DPYD: variants seen among roughly 807,000 people sequenced by gnomAD.
The protein encoded by DPYD is dihydropyrimidine dehydrogenase, also known as dihydropyrimidine dehydrogenase [NADP(+)].
DPYD carries 109 observed loss-of-function variants against 116.2 expected under a neutral mutation model. The ratio of observed to expected loss-of-function variants is 0.94; its 90% CI spans 0.80 to 1.10. The LOEUF (loss-of-function observed/expected upper bound fraction) is 1.10. Ranked by LOEUF, DPYD falls within the 50% of genes least tolerant of loss-of-function variation. DPYD has a pLI of 0.00. For missense variants in DPYD, 1,302 were observed against 1,254.5 expected (o/e 1.04, Z -0.57); for synonymous variants, 440 against 432.0 (o/e 1.02, Z -0.23).
chr1:97,584,759 T>C (rs1423593765), intron 10 of DPYD, among the ~76,000 whole-genome samples: 2 of 119,036 alleles, frequency 1.7e-5, no homozygotes, highest in African/African-American at 3.3e-5. Context: ...TGAGAACACA[T>C]GGACACAGGA....
intron 3 of DPYD, among the ~76,000 whole-genome samples, chr1:97,812,339 T>C (rs1460128277): frequency 1.3e-5 from 2 of 152,162 alleles, no homozygotes; most frequent in African/African-American, 2.4e-5. Context: ...CAGAAAAAGA[T>C]TTGCCTCATA....
chr1:97,572,832 TA>T (rs1652991374), intron 11 of DPYD, among the ~76,000 whole-genome samples: 1 of 152,034 alleles, frequency 6.6e-6, no homozygotes, highest in African/African-American at 2.4e-5. Context: ...TTGAATCCTT[TA>T]CTTATCTGTG....
At chr1:97,701,657 A>G (rs1661604814) in intron 5 of DPYD, among the ~76,000 whole-genome samples, 1 of 151,898 alleles carries the variant, frequency 6.6e-6, no homozygotes, top group South Asian at 2.1e-4. Flanking sequence ...ACTATTGTAA[A>G]TAAAGTCAAA....
chr1:97,524,877 ATATT>A (rs553451168), intron 12 of DPYD, among the ~76,000 whole-genome samples: 104 of 152,244 alleles, frequency 6.8e-4, no homozygotes, highest in African/African-American at 2.5e-3. Flanking sequence ...TTACACTTGA[ATATT>A]TATTAGGCAT....
At chr1:97,205,397 G>A (rs1248913536) in intron 19 of DPYD, among the ~76,000 whole-genome samples, 8 of 150,540 alleles carry the variant, frequency 5.3e-5, no homozygotes, top group Admixed American at 3.3e-4. Flanking sequence ...CCAATATGTC[G>A]TATAATTGAA....
chr1:97,694,828 A>C (rs1341857850), intron 6 of DPYD, among the ~76,000 whole-genome samples: 1 of 152,190 alleles, frequency 6.6e-6, no homozygotes, highest in Non-Finnish European at 1.5e-5. Flanking sequence ...TAATATCCTA[A>C]ACAATGTCCT....
At chr1:97,530,214 CTTTTTTT>C (rs57740723) in intron 12 of DPYD, among the ~76,000 whole-genome samples, 4 of 112,696 alleles carry the variant, frequency 3.5e-5, no homozygotes, top group Admixed American at 9.9e-5. Context: ...CTTTTTTTTT[CTTTTTTT>C]TTTTTTTTTT....
chr1:97,617,155 T>C (rs1656335224), intron 8 of DPYD, among the ~76,000 whole-genome samples: 2 of 152,164 alleles, frequency 1.3e-5, no homozygotes, highest in South Asian at 4.1e-4. Context: ...CATATTCAGA[T>C]GGGGCATAAG....
chr1:97,447,745 C>T (rs1444570848), intron 14 of DPYD, among the ~76,000 whole-genome samples: 1 of 151,828 alleles, frequency 6.6e-6, no homozygotes, highest in Non-Finnish European at 1.5e-5. Context: ...ACTGTCATTT[C>T]TTGGTGGTCA....
chr1:97,336,056 C>T (rs1192922974), intron 16 of DPYD, among the ~76,000 whole-genome samples: 1 of 152,082 alleles, frequency 6.6e-6, no homozygotes. Context: ...AATAGTTTTT[C>T]CTTATAAAGA....
rs537260392 is a variant in DPYD, at chr1:97,571,667, G to A, written c.1339+2093C>T. Among the ~76,000 whole-genome samples the A allele has an allele frequency of 4.6e-5, 7 of 151,998 alleles. 1 individual carries two copies. Among genetic ancestry groups the A allele is most frequent in the African/African-American group, 1.7e-4 (7 of 41,516 alleles). Reference sequence around the variant, plus strand: ...AAATGACATGACATAGTGTTAGGATGGGGAAGAATTTATGGTAGAAGAGGA... The same window carrying A: ...AAATGACATGACATAGTGTTAGGATAGGGAAGAATTTATGGTAGAAGAGGA... On this transcript the variant is annotated intron_variant, in intron 11 of 22. Coordinates refer to ENST00000370192, the MANE Select transcript of DPYD (RefSeq NM_000110.4).
intron 5 of DPYD, among the ~76,000 whole-genome samples, chr1:97,701,187 CATATATATATTATATATATATATGAA>C (rs1331860186): frequency 6.8e-6 from 1 of 147,034 alleles, no homozygotes; most frequent in Non-Finnish European, 1.5e-5. Flanking sequence ...AAAGCTGGTA[CATATATATATTATATATATATATGAA>C]ATATATATAT....
chr1:97,760,994 C>G (rs920294385), intron 3 of DPYD, among the ~76,000 whole-genome samples: 6 of 152,038 alleles, frequency 3.9e-5, no homozygotes, highest in African/African-American at 1.4e-4. Context: ...AAGGAGGAAT[C>G]CAACACAGAT....
intron 2 of DPYD, among the ~76,000 whole-genome samples, chr1:97,852,354 G>A (rs1670616079): frequency 6.6e-6 from 1 of 151,950 alleles, no homozygotes; most frequent in Non-Finnish European, 1.5e-5. Context: ...ACTAATATTA[G>A]TATATATTAC....
At chr1:97,687,240 C>T (rs771816627) in intron 7 of DPYD, among the ~76,000 whole-genome samples, 5 of 152,114 alleles carry the variant, frequency 3.3e-5, no homozygotes, top group Admixed American at 6.5e-5. Context: ...CACTGCACTC[C>T]AGCCTGGGTA....
intron 2 of DPYD, among the ~76,000 whole-genome samples, chr1:97,829,796 C>T (rs565352570): frequency 4.6e-5 from 7 of 151,606 alleles, no homozygotes; most frequent in African/African-American, 9.7e-5. Context: ...GGTACAGGAA[C>T]GTGCAGTTTT....
At chr1:97,735,520 CAAA>C (rs767245436) in intron 4 of DPYD, among the ~76,000 whole-genome samples, 2 of 99,910 alleles carry the variant, frequency 2.0e-5, no homozygotes, top group Non-Finnish European at 2.0e-5. Flanking sequence ...AATAAAAATA[CAAA>C]AAAAAAAAAA....
chr1:97,521,426 A>T (rs796877433), intron 12 of DPYD, among the ~76,000 whole-genome samples: 9 of 152,354 alleles, frequency 5.9e-5, no homozygotes, highest in African/African-American at 2.2e-4. Flanking sequence ...ACACAAACAA[A>T]TGGAAAAACA....
At chr1:97,644,226 G>A (rs1557857538) in intron 8 of DPYD, among the ~76,000 whole-genome samples, 1 of 151,914 alleles carries the variant, frequency 6.6e-6, no homozygotes, top group Non-Finnish European at 1.5e-5. Flanking sequence ...TGTATATGGG[G>A]GAACTTGGAA....
Sources: allele counts gnomAD v4.1 joint callset (sites outside exome capture counted in the v4.1 genomes callset), GRCh38; gene constraint gnomAD v4.1.1; transcripts MANE v1.5; gene names NCBI Gene and HGNC (gene_info 2026-07-23, HGNC 2026-07-21).